POU6F2: variants seen among roughly 807,000 people sequenced by gnomAD.
POU6F2 encodes POU class 6 homeobox 2.
Under a neutral mutation model 71.3 loss-of-function variants are expected in POU6F2, and 31 were observed. The observed-to-expected ratio is 0.43, with a 90% CI of 0.33 to 0.59. POU6F2 has a LOEUF of 0.59. Among genes scored for constraint, POU6F2 ranks in the 20% least tolerant of loss-of-function variants. The pLI, the probability that POU6F2 is intolerant of heterozygous loss-of-function variation, is 0.04. For missense variants in POU6F2, 783 were observed against 856.8 expected (o/e 0.91, Z 1.07); for synonymous variants, 347 against 355.7 (o/e 0.98, Z 0.27).
rs2128706561 is a variant in POU6F2, at chr7:39,020,867, G to A, written c.105+42809G>A. Among the ~76,000 whole-genome samples, 4 of 151,480 alleles carry A rather than the reference G, an allele frequency of 2.6e-5. No individual in the cohort carries two copies. In the South Asian group the frequency reaches 8.3e-4, roughly 32 times the overall value. ...TGAAATATCCCATTTAATGCATTTT[G>A]CTTAAGCTATACTTTGATAGTAATA... On this transcript the variant is annotated intron_variant, in intron 1 of 9. Coordinates refer to ENST00000518318, the MANE Select transcript of POU6F2 (RefSeq NM_001370959.1).
chr7:39,204,456 A>G, intron 3 of POU6F2, 130 bp downstream of exon 3: 1 of 696,698 alleles, frequency 1.4e-6, no homozygotes, highest in Non-Finnish European at 2.3e-6. Context: ...AAATTTTCGT[A>G]TGAAAAGCTG....
intron 1 of POU6F2, among the ~76,000 whole-genome samples, chr7:39,015,320 G>GATATATATT (rs1789445028): frequency 1.5e-5 from 2 of 131,774 alleles, no homozygotes; most frequent in Non-Finnish European, 3.1e-5. Context: ...TATAATAATA[G>GATATATATT]ATATAATATA....
chr7:39,113,653 T>A (rs939125392), intron 2 of POU6F2, among the ~76,000 whole-genome samples: 1 of 152,212 alleles, frequency 6.6e-6, no homozygotes, highest in African/African-American at 2.4e-5. Context: ...TTCTTAGGTT[T>A]GTTTCTTTTT....
At chr7:39,349,160 A>G (rs948171904) in intron 5 of POU6F2, among the ~76,000 whole-genome samples, 11 of 152,190 alleles carry the variant, frequency 7.2e-5, no homozygotes, top group Non-Finnish European at 1.0e-4. Flanking sequence ...AGAGGGAAGG[A>G]AAAACTTAAA....
intron 6 of POU6F2, among the ~76,000 whole-genome samples, chr7:39,411,215 G>GA (rs1184164458): frequency 6.6e-6 from 1 of 152,158 alleles, no homozygotes; most frequent in Non-Finnish European, 1.5e-5. Context: ...AGGGAGGAGG[G>GA]AAAATGTGAG....
At chr7:39,006,947 C>A (rs763022910) in intron 1 of POU6F2, 2 of 1,407,792 alleles carry the variant, frequency 1.4e-6, no homozygotes, top group Non-Finnish European at 1.0e-6. Flanking sequence ...TGTATAAAAT[C>A]GGAGGGAAAT....
chr7:39,378,126 C>A (rs909224414), intron 5 of POU6F2, among the ~76,000 whole-genome samples: 4 of 152,192 alleles, frequency 2.6e-5, no homozygotes, highest in Admixed American at 2.6e-4. Flanking sequence ...GAGTGACTTA[C>A]TGACCACTAC....
At chr7:39,363,646 C>T (rs1786439304) in intron 5 of POU6F2, among the ~76,000 whole-genome samples, 1 of 148,098 alleles carries the variant, frequency 6.8e-6, no homozygotes, top group South Asian at 2.2e-4. Flanking sequence ...GAGAAATTGG[C>T]CTACGAGATT....
intron 2 of POU6F2, among the ~76,000 whole-genome samples, chr7:39,145,309 C>G (rs575237325): frequency 6.6e-6 from 1 of 152,110 alleles, no homozygotes; most frequent in Non-Finnish European, 1.5e-5. Flanking sequence ...AACTACATTG[C>G]CATTTTAGAA....
intron 1 of POU6F2, among the ~76,000 whole-genome samples, chr7:39,077,748 TA>T (rs1791029252): frequency 1.3e-5 from 2 of 152,240 alleles, no homozygotes; most frequent in African/African-American, 4.8e-5. Flanking sequence ...TTTGCTGTAT[TA>T]TTTTTTTTCT....
intron 1 of POU6F2, among the ~76,000 whole-genome samples, chr7:39,014,968 G>A (rs1436662264): frequency 6.6e-6 from 1 of 151,906 alleles, no homozygotes; most frequent in Non-Finnish European, 1.5e-5. Flanking sequence ...AAGAGCCTTT[G>A]GGCAGAAGGA....
At chr7:39,378,015 G>A (rs1786744102) in intron 5 of POU6F2, among the ~76,000 whole-genome samples, 1 of 152,030 alleles carries the variant, frequency 6.6e-6, no homozygotes, top group Non-Finnish European at 1.5e-5. Flanking sequence ...GCCCCTCAAG[G>A]TATCTGCATC....
At chr7:39,064,495 T>G (rs1790719221) in intron 1 of POU6F2, among the ~76,000 whole-genome samples, 1 of 151,000 alleles carries the variant, frequency 6.6e-6, no homozygotes, top group African/African-American at 2.4e-5. Context: ...ATGAGACGCA[T>G]AAAGAAACAA....
At chr7:39,090,970 T>G (rs1163153452) in intron 2 of POU6F2, among the ~76,000 whole-genome samples, 1 of 152,156 alleles carries the variant, frequency 6.6e-6, no homozygotes, top group Non-Finnish European at 1.5e-5. Flanking sequence ...AATGCACATT[T>G]GGATACAGTT....
chr7:39,340,916 G>T (rs1267361960), intron 5 of POU6F2, among the ~76,000 whole-genome samples: 2 of 152,296 alleles, frequency 1.3e-5, no homozygotes, highest in South Asian at 4.1e-4. Context: ...CTTGCACAAT[G>T]ACATTTTTCC....
intron 2 of POU6F2, among the ~76,000 whole-genome samples, chr7:39,114,666 A>G (rs1383476422): frequency 6.6e-6 from 1 of 152,200 alleles, no homozygotes; most frequent in Non-Finnish European, 1.5e-5. Flanking sequence ...GCCATTGGTC[A>G]GGTGCCAAAT....
At chr7:39,258,585 A>G (rs977826121) in intron 4 of POU6F2, among the ~76,000 whole-genome samples, 7 of 152,150 alleles carry the variant, frequency 4.6e-5, no homozygotes, top group South Asian at 4.1e-4. Flanking sequence ...GTTGGTTGCT[A>G]ATTTCTTTCT....
At chr7:39,420,582 A>T (rs1271136907) in intron 6 of POU6F2, among the ~76,000 whole-genome samples, 1 of 152,244 alleles carries the variant, frequency 6.6e-6, no homozygotes, top group Non-Finnish European at 1.5e-5. Flanking sequence ...CAGAAACCAA[A>T]TATGATACTA....
chr7:39,037,438 G>A (rs568738465), intron 1 of POU6F2, among the ~76,000 whole-genome samples: 2 of 152,062 alleles, frequency 1.3e-5, no homozygotes, highest in South Asian at 2.1e-4. Context: ...AACTGCTCAT[G>A]AGCCATTTTT....
Sources: allele counts gnomAD v4.1 joint callset (sites outside exome capture counted in the v4.1 genomes callset), GRCh38; gene constraint gnomAD v4.1.1; transcripts MANE v1.5; gene names NCBI Gene and HGNC (gene_info 2026-07-23, HGNC 2026-07-21).